LRP1B: variants seen among roughly 807,000 people sequenced by gnomAD.
The protein encoded by LRP1B is LDL receptor related protein 1B.
In LRP1B, 217 loss-of-function variants were observed where a neutral mutation model predicts 556.6. The ratio of observed to expected loss-of-function variants is 0.39; its 90% confidence interval spans 0.35 to 0.44. The LOEUF (loss-of-function observed/expected upper bound fraction) is 0.44, where lower values mean the gene tolerates loss of function less well. Ranked by LOEUF, LRP1B falls within the 20% of genes least tolerant of loss-of-function variation. The pLI, the probability that LRP1B is intolerant of heterozygous loss-of-function variation, is 1.00. For synonymous variants in LRP1B, 2,047 were observed against 1,865.8 expected (o/e 1.10, Z -2.50); for missense variants, 5,053 against 5,620.8 (o/e 0.90, Z 3.23).
chr2:141,395,871 C>T (rs543552408), intron 3 of LRP1B, among the ~76,000 whole-genome samples: 2 of 152,198 alleles, frequency 1.3e-5, no homozygotes, highest in South Asian at 4.1e-4. Context: ...AAAGCGATAA[C>T]GTTTGTAGAG....
intron 43 of LRP1B, among the ~76,000 whole-genome samples, chr2:140,585,945 T>C (rs938567055): frequency 4.6e-5 from 7 of 152,298 alleles, no homozygotes; most frequent in African/African-American, 1.7e-4. Flanking sequence ...CCTGTTTAAA[T>C]TCATTGGCAA....
At chr2:140,665,155 T>C (rs1294620555) in intron 41 of LRP1B, among the ~76,000 whole-genome samples, 1 of 152,212 alleles carries the variant, frequency 6.6e-6, no homozygotes, top group East Asian at 1.9e-4. Flanking sequence ...AAGGTCATGC[T>C]ATGACATAAT....
intron 3 of LRP1B, among the ~76,000 whole-genome samples, chr2:141,430,910 G>A (rs536059978): frequency 6.6e-6 from 1 of 152,076 alleles, no homozygotes; most frequent in African/African-American, 2.4e-5. Context: ...GAAGAGGACT[G>A]CTTGAACCCA....
intron 89 of LRP1B, among the ~76,000 whole-genome samples, chr2:140,235,986 C>A (rs898186057): frequency 1.3e-5 from 2 of 150,902 alleles, no homozygotes; most frequent in African/African-American, 4.8e-5. Context: ...AAATATGTAT[C>A]ATGTCTCCAC....
intron 2 of LRP1B, among the ~76,000 whole-genome samples, chr2:141,732,477 T>C (rs1341950801): frequency 6.6e-6 from 1 of 152,160 alleles, no homozygotes; most frequent in Non-Finnish European, 1.5e-5. Context: ...AAAGTCTGGT[T>C]TCACCAACCC....
At chr2:141,791,037 T>C (rs1380991509) in intron 2 of LRP1B, among the ~76,000 whole-genome samples, 1 of 151,834 alleles carries the variant, frequency 6.6e-6, no homozygotes, top group African/African-American at 2.4e-5. Context: ...TGCTAGTAAG[T>C]GAAGTTCTGT....
intron 11 of LRP1B, among the ~76,000 whole-genome samples, chr2:141,040,841 G>T (rs1698676863): frequency 6.6e-6 from 1 of 152,076 alleles, no homozygotes; most frequent in South Asian, 2.1e-4. Context: ...GCAATCACAT[G>T]AATATAGCAC....
chr2:141,453,007 C>T (rs6753893), intron 3 of LRP1B, among the ~76,000 whole-genome samples: 1 of 151,840 alleles, frequency 6.6e-6, no homozygotes, highest in Admixed American at 6.6e-5. Context: ...AGGCTGAGGT[C>T]GGCAGATCAC....
chr2:141,087,049 G>A (rs78585608), intron 7 of LRP1B, among the ~76,000 whole-genome samples: 4,243 of 152,216 alleles, frequency 0.028, 180 homozygotes, highest in East Asian at 0.14. Flanking sequence ...GGCCTGTGGC[G>A]GCAGCAATGT....
At chr2:140,886,626 T>G (rs1437411726) in intron 23 of LRP1B, among the ~76,000 whole-genome samples, 5 of 40,528 alleles carry the variant, frequency 1.2e-4, no homozygotes, top group East Asian at 2.3e-3. Context: ...GATTTTCTGT[T>G]TTTTTTTTTA....
chr2:140,700,451 T>G lies in LRP1B; in HGVS notation c.6598A>C (p.Ile2200Leu), dbSNP rs753382234. The G allele has an allele frequency of 6.2e-7, 1 of 1,613,402 alleles. No individual in the cohort carries two copies. Among genetic ancestry groups the G allele is most frequent in the Non-Finnish European group, 8.5e-7 (1 of 1,179,546 alleles). The change falls in exon 41 of 91, where the codon ATA (isoleucine) becomes CTA (leucine). Residue 2200 changes from isoleucine (I) to leucine (L), a missense_variant. By Grantham distance (5) the Ile-to-Leu change is conservative (BLOSUM62 2). Coordinates refer to ENST00000389484, the MANE Select transcript of LRP1B (RefSeq NM_018557.3). ...LYSGRTILKS[I>L]HLSDETNLNS... The stretch of plus-strand genomic sequence containing the variant: ...AAATTGGTTTCATCAGAAAGATGTA[T>G]ACTTTTTAATATTGTTCTTCCTGAA...
chr2:141,076,349 A>G (rs1407789482), intron 7 of LRP1B, among the ~76,000 whole-genome samples: 1 of 152,162 alleles, frequency 6.6e-6, no homozygotes, highest in Non-Finnish European at 1.5e-5. Context: ...GTTGGCAGGT[A>G]TGCCAGCAAT....
At chr2:141,269,479 A>G (rs1318704747) in intron 3 of LRP1B, among the ~76,000 whole-genome samples, 1 of 152,180 alleles carries the variant, frequency 6.6e-6, no homozygotes, top group Non-Finnish European at 1.5e-5. Context: ...AATAATAGAA[A>G]GATCAGATAA....
chr2:140,410,064 G>T lies in LRP1B; in HGVS notation c.10415-24055C>A, dbSNP rs1437615356. Among the ~76,000 whole-genome samples, 3 of 151,988 alleles carry T rather than the reference G, an allele frequency of 2.0e-5. No individual in the cohort carries two copies. The East Asian group carries it at 5.8e-4, about 29-fold the overall frequency. ...GAAAAAAATGGTATCTCTCTACTGAGTGTAATTTACACTCTGAGATAAATA... is the reference window on the plus strand; with the variant it reads ...GAAAAAAATGGTATCTCTCTACTGATTGTAATTTACACTCTGAGATAAATA... On this transcript the variant is annotated intron_variant, in intron 66 of 90. Transcript: ENST00000389484.
chr2:141,937,388 AAAT>A (rs1293664711), intron 1 of LRP1B, among the ~76,000 whole-genome samples: 6 of 151,572 alleles, frequency 4.0e-5, no homozygotes, highest in South Asian at 2.1e-4. Context: ...CCATCTCAAA[AAAT>A]AATAATAATA....
At chr2:141,404,321 C>CT (rs200738789) in intron 3 of LRP1B, among the ~76,000 whole-genome samples, 73 of 151,922 alleles carry the variant, frequency 4.8e-4, no homozygotes, top group East Asian at 4.6e-3. Flanking sequence ...AATCAGTTTT[C>CT]TTTTTTTTGC....
At chr2:142,024,106 C>T (rs1465759186) in intron 1 of LRP1B, among the ~76,000 whole-genome samples, 1 of 152,184 alleles carries the variant, frequency 6.6e-6, no homozygotes, top group Non-Finnish European at 1.5e-5. Flanking sequence ...CCTATTGCAG[C>T]TGTGAATGAA....
chr2:140,604,813 C>G (rs923775854), intron 41 of LRP1B, among the ~76,000 whole-genome samples: 6 of 151,622 alleles, frequency 4.0e-5, no homozygotes, highest in Non-Finnish European at 1.5e-5. Flanking sequence ...GCAGGTTTTT[C>G]CATGCTGTTC....
intron 89 of LRP1B, among the ~76,000 whole-genome samples, chr2:140,236,949 A>T (rs538242188): frequency 1.3e-5 from 2 of 151,060 alleles, no homozygotes; most frequent in Non-Finnish European, 3.0e-5. Context: ...GTTTTTATAC[A>T]TGTATACATT....
Sources: gnomAD v4.1 joint callset for allele counts (sites outside exome capture counted in the v4.1 genomes callset) on GRCh38, gnomAD v4.1.1 for gene constraint, MANE v1.5 for transcripts, NCBI Gene and HGNC (gene_info 2026-07-23, HGNC 2026-07-21) for gene names.